NR2F1-AS1: variants seen among roughly 807,000 people sequenced by gnomAD.
The protein encoded by NR2F1-AS1 is NR2F1 antisense RNA 1.
chr5:93,473,652 T>G, intron 4 of NR2F1-AS1, among the ~76,000 whole-genome samples: 1 of 151,004 alleles, frequency 6.6e-6, no homozygotes, highest in East Asian at 1.9e-4. Flanking sequence ...AATATATATA[T>G]TGAAGAATGC....
chr5:93,582,976 G>A (rs955682108), upstream of NR2F1-AS1, among the ~76,000 whole-genome samples: 3 of 152,106 alleles, frequency 2.0e-5, no homozygotes, highest in Non-Finnish European at 2.9e-5. Flanking sequence ...AGCAAAAGAG[G>A]AGGGGGGAGG....
chr5:93,583,263 A>T (rs185289050), upstream of NR2F1-AS1: 1 of 138,588 alleles, frequency 7.2e-6, no homozygotes, highest in Non-Finnish European at 1.6e-5. Context: ...AACGCATTCA[A>T]TTTTTGGGTC....
rs140244895 is a variant in NR2F1-AS1, at chr5:93,422,893, G to C, written n.639-27351C>G. On this transcript the variant is annotated intron_variant and non_coding_transcript_variant, in intron 4 of 5. Transcript: ENST00000660523. ...GACAGCACCTGGGGAGTTTAGAATG[G>C]GAAAGGGACTAAGGTGCCAAGTGGT... Among the ~76,000 whole-genome samples, 405 of 152,244 alleles carry C rather than the reference G, an allele frequency of 2.7e-3. 3 individuals are homozygous for C. Among genetic ancestry groups the C allele is most frequent in the Non-Finnish European group, 3.6e-3 (244 of 68,016 alleles).
At chr5:93,511,963 T>C (rs998771061) in intron 4 of NR2F1-AS1, among the ~76,000 whole-genome samples, 7 of 152,198 alleles carry the variant, frequency 4.6e-5, no homozygotes, top group Non-Finnish European at 7.3e-5. Flanking sequence ...GGACCACTGA[T>C]ATATAGTACA....
intron 4 of NR2F1-AS1, among the ~76,000 whole-genome samples, chr5:93,550,826 CAT>C (rs555186744): frequency 1.8e-4 from 27 of 152,256 alleles, no homozygotes; most frequent in Non-Finnish European, 2.8e-4. Flanking sequence ...AAAGTTACAG[CAT>C]GTGTCAACTA....
chr5:93,570,901 C>A (rs1227070477), intron 1 of NR2F1-AS1: 1 of 152,204 alleles, frequency 6.6e-6, no homozygotes, highest in Non-Finnish European at 1.5e-5. Context: ...GTTCGCTAGT[C>A]CAGGGAAAGG....
intron 4 of NR2F1-AS1, among the ~76,000 whole-genome samples, chr5:93,509,916 T>C (rs1048074188): frequency 1.3e-5 from 2 of 152,044 alleles, no homozygotes; most frequent in African/African-American, 4.8e-5. Context: ...TTATGTATAG[T>C]CTCGATGAAT....
intron 4 of NR2F1-AS1, among the ~76,000 whole-genome samples, chr5:93,506,749 C>T (rs972538487): frequency 6.6e-6 from 1 of 152,088 alleles, no homozygotes; most frequent in Admixed American, 6.6e-5. Context: ...CGGGTCCCTC[C>T]CAGAACACAT....
At chr5:93,530,969 C>G (rs768027954) in intron 4 of NR2F1-AS1, among the ~76,000 whole-genome samples, 8 of 152,064 alleles carry the variant, frequency 5.3e-5, no homozygotes, top group Non-Finnish European at 1.2e-4. Flanking sequence ...ATGGGGAAAA[C>G]AAATGAAGAT....
intron 4 of NR2F1-AS1, among the ~76,000 whole-genome samples, chr5:93,523,157 G>GA (rs1160436267): frequency 6.6e-6 from 1 of 152,152 alleles, no homozygotes; most frequent in Non-Finnish European, 1.5e-5. Flanking sequence ...CTTGAGCTTG[G>GA]TGGGGGGAGG....
At chr5:93,584,963 C>G, upstream of NR2F1-AS1, 1 of 751,782 alleles carries the variant, frequency 1.3e-6, no homozygotes, top group Non-Finnish European at 1.6e-6. Context: ...AGCGCGCCCG[C>G]GCGCCCCGCG....
intron 4 of NR2F1-AS1, among the ~76,000 whole-genome samples, chr5:93,439,370 T>G (rs1055807745): frequency 3.3e-5 from 5 of 152,196 alleles, no homozygotes; most frequent in Admixed American, 3.3e-4. Context: ...CTCGGCTCAC[T>G]GCAGGCTCCG....
intron 4 of NR2F1-AS1, among the ~76,000 whole-genome samples, chr5:93,477,813 C>T (rs530592026): frequency 9.2e-5 from 14 of 152,280 alleles, no homozygotes; most frequent in Non-Finnish European, 1.3e-4. Context: ...AAGTGGAACT[C>T]AAAAAGCATC....
At chr5:93,493,502 A>C (rs1750894641) in intron 4 of NR2F1-AS1, among the ~76,000 whole-genome samples, 2 of 152,102 alleles carry the variant, frequency 1.3e-5, no homozygotes, top group South Asian at 4.1e-4. Flanking sequence ...ACAGTTCCTC[A>C]AATTCATATG....
At chr5:93,412,484 G>A (rs570994402) in intron 4 of NR2F1-AS1, among the ~76,000 whole-genome samples, 13 of 152,320 alleles carry the variant, frequency 8.5e-5, no homozygotes, top group Non-Finnish European at 1.5e-4. Flanking sequence ...CCAGAAGATG[G>A]TGAGACTGGA....
At chr5:93,572,045 G>A (rs968522015) in intron 1 of NR2F1-AS1, among the ~76,000 whole-genome samples, 6 of 152,276 alleles carry the variant, frequency 3.9e-5, no homozygotes, top group Admixed American at 3.3e-4. Context: ...ATAGTGCGCA[G>A]GGGTTCCTCT....
chr5:93,446,523 C>A (rs1257385154), intron 4 of NR2F1-AS1, among the ~76,000 whole-genome samples: 1 of 152,064 alleles, frequency 6.6e-6, no homozygotes, highest in Non-Finnish European at 1.5e-5. Context: ...CAAGGTTTGA[C>A]TACAAACCAC....
intron 4 of NR2F1-AS1, chr5:93,541,849 G>T (rs571728821): frequency 5.3e-5 from 8 of 151,186 alleles, no homozygotes; most frequent in East Asian, 1.9e-4. Flanking sequence ...ATTTAAGGGG[G>T]TGTCAAAAAA....
At chr5:93,491,130 T>C (rs1013316785) in intron 4 of NR2F1-AS1, among the ~76,000 whole-genome samples, 1 of 151,344 alleles carries the variant, frequency 6.6e-6, no homozygotes, top group African/African-American at 2.4e-5. Flanking sequence ...GTGGTGGTGG[T>C]AGTCCCGGTA....
Sources: gnomAD v4.1 joint callset for allele counts (sites outside exome capture counted in the v4.1 genomes callset) on GRCh38, gnomAD v4.1.1 for gene constraint, MANE v1.5 for transcripts, NCBI Gene and HGNC (gene_info 2026-07-23, HGNC 2026-07-21) for gene names.